The following DNAI4 variants were observed in gnomAD, a reference collection of about 807,000 sequenced individuals.
DNAI4 encodes WD repeat domain 78.
A neutral mutation model predicts 105.8 loss-of-function variants in DNAI4; 85 were observed. The ratio of observed to expected loss-of-function variants is 0.80; its 90% CI spans 0.67 to 0.96. The LOEUF (loss-of-function observed/expected upper bound fraction) is 0.96, where lower values mean the gene tolerates loss of function less well. Among genes scored for constraint, DNAI4 ranks in the 40% least tolerant of loss-of-function variants. The pLI, the probability that DNAI4 is intolerant of heterozygous loss-of-function variation, is 0.00. For synonymous variants in DNAI4, 352 were observed against 331.5 expected (o/e 1.06, Z -0.67); for missense variants, 1,014 against 1,005.6 (o/e 1.01, Z -0.11).
chr1:66,828,118 A>G (rs914155067), intron 13 of DNAI4: 1 of 309,506 alleles, frequency 3.2e-6, no homozygotes, highest in African/African-American at 2.2e-5. Flanking sequence ...AAGAAAATAT[A>G]AATTGGTCCT....
At chr1:66,902,027 T>A (rs1648863139) in intron 2 of DNAI4, among the ~76,000 whole-genome samples, 1 of 152,118 alleles carries the variant, frequency 6.6e-6, no homozygotes, top group African/African-American at 2.4e-5. Context: ...CCTCAAGCAA[T>A]CCTCCTGCCT....
Position 66,858,549 on chromosome 1 carries a change from A to AAAAAAAAAG in DNAI4, c.1096+3597_1096+3598insCTTTTTTTT, listed in dbSNP as rs1569599336. The stretch of plus-strand genomic sequence containing the variant: ...CTCCGTCTCAAAAAAAAAAAAAAAA[A>AAAAAAAAAG]ATGCAAAAATCCTCAACAAAATATT... On this transcript the variant is annotated intron_variant, in intron 7 of 16. Coordinates refer to ENST00000371026, the MANE Select transcript of DNAI4 (RefSeq NM_024763.5). Among the ~76,000 whole-genome samples the AAAAAAAAAG allele has an allele frequency of 2.0e-5, 3 of 150,864 alleles. No homozygotes were observed. In the East Asian group the frequency reaches 5.8e-4, roughly 29 times the overall value.
At chr1:66,861,606 C>G (rs533540613) in intron 7 of DNAI4, among the ~76,000 whole-genome samples, 14 of 152,258 alleles carry the variant, frequency 9.2e-5, no homozygotes, top group African/African-American at 3.4e-4. Flanking sequence ...CATGGCAGTA[C>G]ACGTACTGAC....
intron 1 of DNAI4, among the ~76,000 whole-genome samples, chr1:66,916,083 TAAAA>T (rs34693536): frequency 8.5e-6 from 1 of 117,496 alleles, no homozygotes; most frequent in African/African-American, 3.3e-5. Context: ...AGACTCTGTC[TAAAA>T]AAAAAAAAAA....
intron 2 of DNAI4, 150 bp downstream of exon 2, chr1:66,905,051 T>C: frequency 3.6e-6 from 2 of 555,014 alleles, no homozygotes; most frequent in Non-Finnish European, 5.9e-6. Flanking sequence ...TATTATGTTG[T>C]ATGGAATAAT....
intron 8 of DNAI4, among the ~76,000 whole-genome samples, chr1:66,843,013 C>A (rs1646184663): frequency 6.6e-6 from 1 of 151,922 alleles, no homozygotes; most frequent in East Asian, 1.9e-4. Context: ...GCCTGGGCAA[C>A]AAAGCGAGAC....
chr1:66,814,217 A>G, intron 16 of DNAI4, 37 bp from the exon 17 acceptor site: 1 of 1,523,222 alleles, frequency 6.6e-7, no homozygotes, highest in Non-Finnish European at 8.9e-7. Context: ...AATGCAATAA[A>G]ATGCAAATTA....
intron 7 of DNAI4, among the ~76,000 whole-genome samples, chr1:66,852,253 C>CA (rs1270468794): frequency 2.6e-5 from 4 of 151,676 alleles, no homozygotes; most frequent in South Asian, 4.1e-4. Flanking sequence ...AACTCACCCA[C>CA]AAAAAATCAC....
At chr1:66,873,482 C>A (rs917263177) in intron 5 of DNAI4, among the ~76,000 whole-genome samples, 5 of 152,198 alleles carry the variant, frequency 3.3e-5, no homozygotes, top group African/African-American at 1.2e-4. Flanking sequence ...AACTCCTGGG[C>A]TCAAGCCATC....
Position 66,924,726 on chromosome 1 carries a change from G to T in DNAI4, c.106C>A (p.Pro36Thr), listed in dbSNP as rs2100943837. The T allele has an allele frequency of 6.2e-7, 1 of 1,614,192 alleles. No homozygotes were observed. The highest frequency in any genetic ancestry group is 1.1e-5 in the South Asian group (1 of 91,082). Residue 36 changes from proline to threonine, a missense_variant, in exon 1 of 17, where the codon CCC becomes ACC. Coordinates refer to ENST00000371026, the MANE Select transcript of DNAI4 (RefSeq NM_024763.5). Reference sequence around the variant, plus strand: ...ACTGGCATGGTGGCGACCAGCTGGGGAGTGGTGCACCACCCCTTTTTTTGG... The same window carrying T: ...ACTGGCATGGTGGCGACCAGCTGGGTAGTGGTGCACCACCCCTTTTTTTGG... ...GGQKKGWCTT[P>T]QLVATMPVSP...
intron 9 of DNAI4, 75 bp from the exon 10 acceptor site, chr1:66,837,871 A>C: frequency 7.5e-7 from 1 of 1,327,370 alleles, no homozygotes; most frequent in Non-Finnish European, 1.0e-6. Flanking sequence ...AAAGATATAT[A>C]TTAATGAGCT....
intron 7 of DNAI4, among the ~76,000 whole-genome samples, chr1:66,851,215 A>G (rs1034112373): frequency 6.6e-6 from 1 of 151,912 alleles, no homozygotes; most frequent in African/African-American, 2.4e-5. Flanking sequence ...TATCATATAA[A>G]GTTGACTTCA....
chr1:66,847,670 T>C lies in DNAI4; in HGVS notation c.1105A>G (p.Thr369Ala), dbSNP rs1319310051. The C allele has an allele frequency of 6.2e-7, 1 of 1,600,978 alleles. No individual in the cohort carries two copies. The highest frequency in any genetic ancestry group is 1.7e-5 in the Admixed American group (1 of 57,660). Residue 369 changes from threonine to alanine, a missense_variant, in exon 8 of 17, where the codon ACT becomes GCT. Coordinates refer to ENST00000371026, the MANE Select transcript of DNAI4 (RefSeq NM_024763.5). ...TTTTCTATGTCCATTAGAGAACTAG[T>C]TTCACTATCTACAAAATACAAACAT... is the stretch of plus-strand genomic sequence containing the variant. ...PGSTTEKNSE[T>A]SSLMDIENVI...
chr1:66,835,525 C>A, intron 11 of DNAI4, 101 bp downstream of exon 11: 1 of 1,239,454 alleles, frequency 8.1e-7, no homozygotes, highest in Admixed American at 2.2e-5. Context: ...TGGTATCACT[C>A]TCAGTAACAA....
At chr1:66,889,729 A>G (rs1194115219) in intron 4 of DNAI4, among the ~76,000 whole-genome samples, 4 of 152,184 alleles carry the variant, frequency 2.6e-5, no homozygotes, top group African/African-American at 9.6e-5. Context: ...CATTTCTCCC[A>G]GCACTTCTGA....
intron 6 of DNAI4, among the ~76,000 whole-genome samples, chr1:66,865,717 G>C (rs1455774012): frequency 5.3e-5 from 8 of 152,136 alleles, no homozygotes; most frequent in African/African-American, 1.9e-4. Context: ...CATGTTTTCT[G>C]CAAGTGGACA....
chr1:66,861,559 T>A (rs1213509900), intron 7 of DNAI4, among the ~76,000 whole-genome samples: 1 of 152,240 alleles, frequency 6.6e-6, no homozygotes, highest in Non-Finnish European at 1.5e-5. Flanking sequence ...AAAATTAAAA[T>A]ACTAGAAGCT....
chr1:66,818,269 G>C (rs1015980452), intron 16 of DNAI4, among the ~76,000 whole-genome samples: 1 of 151,848 alleles, frequency 6.6e-6, no homozygotes, highest in Admixed American at 6.5e-5. Flanking sequence ...AGAAAATATA[G>C]TATTCATCAC....
intron 3 of DNAI4, among the ~76,000 whole-genome samples, 160 bp downstream of exon 3, chr1:66,893,069 G>GAAAGAAAA (rs1647929628): frequency 8.4e-6 from 1 of 119,128 alleles, no homozygotes; most frequent in Admixed American, 7.9e-5. Flanking sequence ...GAGAGAGAAA[G>GAAAGAAAA]AAAGAAAGAA....
Sources: gnomAD v4.1 joint callset for allele counts (sites outside exome capture counted in the v4.1 genomes callset) on GRCh38, gnomAD v4.1.1 for gene constraint, MANE v1.5 for transcripts, NCBI Gene and HGNC (gene_info 2026-07-23, HGNC 2026-07-21) for gene names.